ZNF69: variants seen among roughly 807,000 people sequenced by gnomAD.
The protein encoded by ZNF69 is zinc finger protein 69.
A neutral mutation model predicts 50.9 loss-of-function variants in ZNF69; 47 were observed. That is an observed-to-expected ratio of 0.92 (90% CI 0.73 to 1.18). The LOEUF is 1.18. ZNF69 is among the 50% of genes most tolerant of loss of function. The pLI is 0.00. For missense variants in ZNF69, 717 were observed against 675.1 expected (o/e 1.06, Z -0.69); for synonymous variants, 216 against 223.1 (o/e 0.97, Z 0.29).
chr19:11,935,623 G>A, the ZNF69 span, among the ~76,000 whole-genome samples: 11 of 152,134 alleles, frequency 7.2e-5, no homozygotes, highest in Middle Eastern at 3.4e-3. Context: ...CCAGATAGGC[G>A]TTCTGCAATT....
the ZNF69 span, among the ~76,000 whole-genome samples, chr19:11,920,546 A>G: frequency 1.3e-5 from 2 of 152,152 alleles, no homozygotes; most frequent in East Asian, 1.9e-4. Flanking sequence ...CGACCACTCA[A>G]CGTGCTGGGA....
the ZNF69 span, among the ~76,000 whole-genome samples, chr19:11,937,495 T>C: frequency 5.4e-5 from 8 of 148,994 alleles, no homozygotes; most frequent in Non-Finnish European, 7.5e-5. Flanking sequence ...CTTTCCTTTT[T>C]TTTTTTTTTT....
chr19:11,914,411 T>C (rs567382407), downstream of ZNF69: 9 of 152,304 alleles, frequency 5.9e-5, no homozygotes, highest in East Asian at 1.7e-3. Flanking sequence ...AAGACTGAAA[T>C]ATTTCCTAAA....
chr19:11,928,531 G>A, the ZNF69 span, among the ~76,000 whole-genome samples: 1 of 148,812 alleles, frequency 6.7e-6, no homozygotes, highest in East Asian at 2.0e-4. Flanking sequence ...AGGAGATCGA[G>A]ACCATCCCGG....
chr19:11,925,822 A>C, the ZNF69 span, among the ~76,000 whole-genome samples: 3 of 151,994 alleles, frequency 2.0e-5, no homozygotes, highest in Non-Finnish European at 4.4e-5. Context: ...AATAGGAGAG[A>C]CCTTGGCCGA....
At chr19:11,965,227 C>T in the ZNF69 span, 1 of 1,614,020 alleles carries the variant, frequency 6.2e-7, no homozygotes. Flanking sequence ...TGTGCATAGC[C>T]GGTTGTCCCG....
At chr19:11,950,451 T>A in the ZNF69 span, 1 of 722,224 alleles carries the variant, frequency 1.4e-6, no homozygotes, top group Non-Finnish European at 2.5e-6. Flanking sequence ...ATGAAAGGAC[T>A]CACACGGGAG....
the ZNF69 span, among the ~76,000 whole-genome samples, chr19:11,931,707 A>C: frequency 6.8e-6 from 1 of 148,112 alleles, no homozygotes; most frequent in Non-Finnish European, 1.5e-5. Flanking sequence ...TTTTAAGGAC[A>C]CATGGCATTT....
At chr19:11,977,306 G>A in the ZNF69 span, 1 of 1,606,404 alleles carries the variant, frequency 6.2e-7, no homozygotes, top group Admixed American at 1.7e-5. Flanking sequence ...CATAGACATA[G>A]AATCTAATAA....
intron 1 of ZNF69, among the ~76,000 whole-genome samples, chr19:11,889,181 T>G (rs760199790): frequency 1.6e-4 from 24 of 152,324 alleles, no homozygotes; most frequent in African/African-American, 3.4e-4. Flanking sequence ...CCTGTTTCTC[T>G]AGATTTTATG....
chr19:11,910,708 C>T (rs948760986), downstream of ZNF69, among the ~76,000 whole-genome samples: 1 of 152,140 alleles, frequency 6.6e-6, no homozygotes, highest in African/African-American at 2.4e-5. Flanking sequence ...AGACCTAAAA[C>T]CATAAAAACC....
At chr19:11,966,021 G>A in the ZNF69 span, among the ~76,000 whole-genome samples, 1 of 152,150 alleles carries the variant, frequency 6.6e-6, no homozygotes, top group Non-Finnish European at 1.5e-5. Flanking sequence ...AAGGAATGCT[G>A]AAGGAAGGGG....
At chr19:11,939,366 A>G in the ZNF69 span, among the ~76,000 whole-genome samples, 1 of 152,134 alleles carries the variant, frequency 6.6e-6, no homozygotes, top group Non-Finnish European at 1.5e-5. Context: ...TAGGTCTAAC[A>G]TTTAAGTCTT....
intron 1 of ZNF69, among the ~76,000 whole-genome samples, chr19:11,901,948 A>T (rs1199689146): frequency 1.4e-5 from 2 of 146,484 alleles, no homozygotes; most frequent in African/African-American, 5.0e-5. Context: ...GGTTTCATGC[A>T]TGTTGTAGTA....
At chr19:11,923,747 A>G in the ZNF69 span, among the ~76,000 whole-genome samples, 1 of 152,142 alleles carries the variant, frequency 6.6e-6, no homozygotes, top group Non-Finnish European at 1.5e-5. Context: ...TGTCTTATTT[A>G]CACAATGGGA....
the ZNF69 span, among the ~76,000 whole-genome samples, chr19:11,934,594 T>G: frequency 6.8e-6 from 1 of 147,326 alleles, no homozygotes; most frequent in Non-Finnish European, 1.5e-5. Flanking sequence ...TGGCGCAATC[T>G]CAGCTCACTG....
Position 11,905,496 on chromosome 19 carries a change from A to G in ZNF69, c.1099A>G (p.Lys367Glu), listed in dbSNP as rs1304163178. The G allele has an allele frequency of 7.4e-6, 12 of 1,614,100 alleles. No homozygotes were observed. Among genetic ancestry groups the G allele is most frequent in the African/African-American group, 1.3e-5 (1 of 74,946 alleles). ...ACCTTATGAATGTAAGATATGTGGG[A>G]AAGGCTTTTGTTCTGCCAATTCATT... ...ERPYECKICG[K>E]GFCSANSFQR... The change falls in exon 4 of 4, where the codon AAA (lysine) becomes GAA (glutamate). Residue 367 changes from lysine (K) to glutamate (E), a missense_variant. Coordinates refer to ENST00000429654, the MANE Select transcript of ZNF69 (RefSeq NM_001364730.1).
At chr19:11,957,248 T>G in the ZNF69 span, among the ~76,000 whole-genome samples, 1 of 151,808 alleles carries the variant, frequency 6.6e-6, no homozygotes, top group Non-Finnish European at 1.5e-5. Context: ...CCCGCCACCA[T>G]GCCCAGTTAA....
Position 11,887,868 on chromosome 19 carries a change from C to A in ZNF69, c.-56C>A. 1 of 1,542,206 alleles carries A rather than the reference C, an allele frequency of 6.5e-7. No individual in the cohort carries two copies. The highest frequency in any genetic ancestry group is 8.9e-7 in the Non-Finnish European group (1 of 1,121,386). On this transcript the variant is annotated 5_prime_UTR_variant, in exon 1 of 4. Coordinates refer to ENST00000429654, the MANE Select transcript of ZNF69 (RefSeq NM_001364730.1). Reference sequence around the variant, plus strand: ...TGCGGCTGGGATCCGGTCTTTCCAGCCCCGAGAGGGACCTGGTTCCTCTGC... The same window carrying A: ...TGCGGCTGGGATCCGGTCTTTCCAGACCCGAGAGGGACCTGGTTCCTCTGC...
Sources: allele counts gnomAD v4.1 joint callset (sites outside exome capture counted in the v4.1 genomes callset), GRCh38; gene constraint gnomAD v4.1.1; transcripts MANE v1.5; gene names NCBI Gene and HGNC (gene_info 2026-07-23, HGNC 2026-07-21).